The following SLC26A11 variants were observed in gnomAD, a reference collection of about 807,000 sequenced individuals.
SLC26A11 encodes the protein solute carrier family 26 member 11.
In SLC26A11, 58 loss-of-function variants were observed where a neutral mutation model predicts 62.2. The ratio of observed to expected loss-of-function variants is 0.93; its 90% CI spans 0.76 to 1.16. The LOEUF (loss-of-function observed/expected upper bound fraction) is 1.16. Among genes scored for constraint, SLC26A11 ranks in the 50% most tolerant of loss-of-function variants. The pLI, the probability that SLC26A11 is intolerant of heterozygous loss-of-function variation, is 0.00. For synonymous variants in SLC26A11, 411 were observed against 368.9 expected, an observed-to-expected ratio of 1.11 and a Z score of -1.31; for missense variants, 790 against 794.3, an observed-to-expected ratio of 0.99 and a Z score of 0.06.
intron 10 of SLC26A11, among the ~76,000 whole-genome samples, chr17:80,243,279 G>A (rs1333587923): frequency 6.6e-6 from 1 of 152,156 alleles, no homozygotes; most frequent in Non-Finnish European, 1.5e-5. Flanking sequence ...GGCGGAGCTT[G>A]GGCTTCCTGG....
chr17:80,246,502 C>A lies in SLC26A11; in HGVS notation c.1154-7C>A. ...CCCGAGGTCACCTGTGTTCCCGTGC[C>A]CCGCAGGAGTGCTGGTGCTGCTGTC... On this transcript the variant is annotated splice_region_variant and splice_polypyrimidine_tract_variant and intron_variant, in intron 12 of 17. Coordinates refer to ENST00000361193, the MANE Select transcript of SLC26A11 (RefSeq NM_001166347.2). This position sits in a 1 kb window ranked among gnomAD's most constrained non-coding sequence, Gnocchi z 4.4. 1.2e-6 allele frequency: 2 copies of A among 1,609,788 alleles called. No individual in the cohort carries two copies. The highest frequency in any genetic ancestry group is 1.3e-5 in the African/African-American group (1 of 75,022).
rs1192085495 is a variant in SLC26A11 at position 80,246,414 on chromosome 17, T to C, written c.1154-95T>C. ...GCAGTCGTCGCCCTACCCCCACCCC[T>C]GTCCCCAGTGGGCTCTGCTGAACAA... On this transcript the variant is annotated intron_variant, in intron 12 of 17. Coordinates refer to ENST00000361193, the MANE Select transcript of SLC26A11 (RefSeq NM_001166347.2). This position sits in a 1 kb window ranked among gnomAD's most constrained non-coding sequence, Gnocchi z 4.4. 3.2e-6 allele frequency: 5 copies of C among 1,544,764 alleles called. No individual in the cohort carries two copies. Among genetic ancestry groups the C allele is most frequent in the Non-Finnish European group, 3.5e-6 (4 of 1,143,436 alleles).
Position 80,228,789 on chromosome 17 carries a change from A to G in SLC26A11, c.736+829A>G, listed in dbSNP as rs1428431262. Among the ~76,000 whole-genome samples the G allele has an allele frequency of 6.6e-6, 1 of 152,204 alleles. No homozygotes were observed. Among genetic ancestry groups the G allele is most frequent in the Non-Finnish European group, 1.5e-5 (1 of 68,030 alleles). On this transcript the variant is annotated intron_variant, in intron 7 of 17. Transcript: ENST00000361193. The surrounding 1 kb of genome is among the most constrained non-coding windows in gnomAD (Gnocchi z 4.1). ...GGGGAGACCAACAGGCTCTGTTTGA[A>G]TTGTGCAGCTTTATGGGGGTACAAC...
chr17:80,249,895 A>G (rs2043113118), intron 16 of SLC26A11, among the ~76,000 whole-genome samples: 1 of 152,064 alleles, frequency 6.6e-6, no homozygotes, highest in Non-Finnish European at 1.5e-5. Flanking sequence ...ACAGAGTGGG[A>G]CTCCATCTCA....
Position 80,222,615 on chromosome 17 carries a change from C to T in SLC26A11, c.235-40C>T. The T allele has an allele frequency of 6.3e-7, 1 of 1,590,980 alleles. No homozygotes were observed. Among genetic ancestry groups the T allele is most frequent in the Non-Finnish European group, 8.6e-7 (1 of 1,165,094 alleles). ...GCACACTAGGGAGCTGGTGGATGGG[C>T]CTCGGCCTCCTGAGTGCTCACCACC... On this transcript the variant is annotated intron_variant, in intron 3 of 17. Transcript: ENST00000361193. The surrounding 1 kb of genome is among the most constrained non-coding windows in gnomAD (Gnocchi z 4.7).
At position 80,238,826 on chromosome 17, in the gene SLC26A11, TG is replaced by T. The variant is rs202224157; in HGVS notation, c.985+1233del. 5.3e-3 allele frequency among the ~76,000 whole-genome samples: 715 copies of T among 133,818 alleles called. 83 individuals are homozygous for T. The highest frequency in any genetic ancestry group is 0.015 in the African/African-American group (467 of 32,042). 87.8% of individuals were successfully genotyped at this position (133,818 alleles called of 152,430 possible). ...CTTCAAAGGAGTTTTTTTTGTTTTT[TG>T]TTTTTTTTTTTTTTTGGAGACAGAG... On this transcript the variant is annotated intron_variant, in intron 9 of 17. Transcript: ENST00000361193.
chr17:80,238,787 C>G (rs1019075155), intron 9 of SLC26A11, among the ~76,000 whole-genome samples: 3 of 147,628 alleles, frequency 2.0e-5, no homozygotes, highest in Non-Finnish European at 4.5e-5. Context: ...TCCCAGTGCT[C>G]TAACCCTTAC....
At chr17:80,241,011 A>G (rs2042845750) in intron 9 of SLC26A11, among the ~76,000 whole-genome samples, 1 of 152,132 alleles carries the variant, frequency 6.6e-6, no homozygotes, top group Non-Finnish European at 1.5e-5. Flanking sequence ...AGCCTAAGGC[A>G]GGAGGATCAC....
Position 80,225,734 on chromosome 17 carries a change from G to A in SLC26A11, c.514-103G>A, listed in dbSNP as rs377690660. On this transcript the variant is annotated intron_variant, in intron 5 of 17. Transcript: ENST00000361193. The stretch of plus-strand genomic sequence containing the variant: ...GGGAATAAGGGTTGGGAGCAGGGCC[G>A]GGGGACACTGTCTCAGCCCTAGGGG... 2,106 of 1,021,268 alleles carry A rather than the reference G, an allele frequency of 2.1e-3. 10 individuals are homozygous for A. Among genetic ancestry groups the A allele is most frequent in the Non-Finnish European group, 2.5e-3 (1,649 of 661,748 alleles). 63.3% of individuals were successfully genotyped at this position (1,021,268 alleles called of 1,614,324 possible). A position where few individuals can be genotyped will look rare whatever the true frequency, so the allele number is the denominator to read the frequency against.
At chr17:80,221,934 A>T in intron 3 of SLC26A11, 140 bp downstream of exon 3, 4 of 901,906 alleles carry the variant, frequency 4.4e-6, no homozygotes, top group Non-Finnish European at 4.9e-6. Context: ...TGTGACGCAG[A>T]TTGTCTCTGG....
intron 9 of SLC26A11, among the ~76,000 whole-genome samples, chr17:80,240,323 C>T (rs1222303444): frequency 5.3e-5 from 8 of 151,670 alleles, no homozygotes; most frequent in Non-Finnish European, 7.4e-5. Context: ...GCCAAGATCG[C>T]GCCACTGTAC....
At chr17:80,239,421 G>A (rs2042797854) in intron 9 of SLC26A11, among the ~76,000 whole-genome samples, 2 of 139,598 alleles carry the variant, frequency 1.4e-5, no homozygotes, top group Non-Finnish European at 3.0e-5. Flanking sequence ...ACGGAGTCTC[G>A]CTCTGTCGCC....
rs2042274262 is a variant in SLC26A11 at position 80,223,251 on chromosome 17, G to A, written c.428-1G>A. 1.2e-6 allele frequency: 2 copies of A among 1,613,932 alleles called. No individual in the cohort carries two copies. Among genetic ancestry groups the A allele is most frequent in the Admixed American group, 1.7e-5 (1 of 59,988 alleles). Reference sequence around the variant, plus strand: ...CTCGATGTCCCCTCTTGGCTGGCCAGGGTTCCTGCTGGACTTCATTTCCTA... The same window carrying A: ...CTCGATGTCCCCTCTTGGCTGGCCAAGGTTCCTGCTGGACTTCATTTCCTA... On this transcript the variant is annotated splice_acceptor_variant, in intron 4 of 17. Coordinates refer to ENST00000361193, the MANE Select transcript of SLC26A11 (RefSeq NM_001166347.2). LOFTEE classifies it high-confidence loss of function. This position sits in a 1 kb window ranked among gnomAD's most constrained non-coding sequence, Gnocchi z 4.6.
chr17:80,230,532 G>A (rs1421076932), intron 7 of SLC26A11, among the ~76,000 whole-genome samples: 3 of 152,102 alleles, frequency 2.0e-5, no homozygotes, highest in Admixed American at 2.0e-4. Context: ...ATTTTGGTGG[G>A]TTTCAGGCTT....
rs757439311 is a variant in SLC26A11 at position 80,246,071 on chromosome 17, C to A, written c.1098-83C>A. On this transcript the variant is annotated intron_variant, in intron 11 of 17. Coordinates refer to ENST00000361193, the MANE Select transcript of SLC26A11 (RefSeq NM_001166347.2). The surrounding 1 kb of genome is among the most constrained non-coding windows in gnomAD (Gnocchi z 4.4). ...GCCGTGCTGGGAGCTGACGTCCCCT[C>A]GGAAGATCAGCCACAGGAGTGTGGA... 9 of 1,524,836 alleles carry A rather than the reference C, an allele frequency of 5.9e-6. No homozygotes were observed. Among genetic ancestry groups the A allele is most frequent in the Non-Finnish European group, 8.2e-6 (9 of 1,099,942 alleles). 94.5% of individuals were successfully genotyped at this position (1,524,836 alleles called of 1,614,324 possible). A position where few individuals can be genotyped will look rare whatever the true frequency, so the allele number is the denominator to read the frequency against.
intron 5 of SLC26A11, among the ~76,000 whole-genome samples, chr17:80,224,379 G>T (rs528362390): frequency 6.7e-6 from 1 of 149,534 alleles, no homozygotes; most frequent in Non-Finnish European, 1.5e-5. Flanking sequence ...GAGTGCGCGC[G>T]CGCGTGTGTG....
chr17:80,248,293 G>C, intron 14 of SLC26A11, 36 bp downstream of exon 14: 3 of 1,590,332 alleles, frequency 1.9e-6, no homozygotes, highest in Non-Finnish European at 2.6e-6. Context: ...GGAGTGTGCT[G>C]GGGGCAGGAT....
In SLC26A11 at chr17:80,223,948, T is replaced by C. The variant is rs1449366406; in HGVS notation, c.513+611T>C. Among the ~76,000 whole-genome samples the C allele has an allele frequency of 3.3e-5, 5 of 152,282 alleles. No homozygotes were observed. The East Asian group carries it at 7.7e-4, about 24-fold the overall frequency. ...TTCTCCCAGCCATGGCCGCCCAGCATTGGGCTGGTGCAGTAGGGGGGTGCT... is the reference window on the plus strand; with the variant it reads ...TTCTCCCAGCCATGGCCGCCCAGCACTGGGCTGGTGCAGTAGGGGGGTGCT... On this transcript the variant is annotated intron_variant, in intron 5 of 17. Coordinates refer to ENST00000361193, the MANE Select transcript of SLC26A11 (RefSeq NM_001166347.2). The surrounding 1 kb of genome is among the most constrained non-coding windows in gnomAD (Gnocchi z 4.6).
rs763036941 is a variant in SLC26A11 at position 80,251,326 on chromosome 17, CA to C, written c.1657-2del. The C allele has an allele frequency of 3.5e-5, 57 of 1,613,942 alleles. No homozygotes were observed. The highest frequency in any genetic ancestry group is 4.5e-5 in the Non-Finnish European group (53 of 1,179,978). On this transcript the variant is annotated splice_acceptor_variant, in intron 16 of 17. Transcript: ENST00000361193. LOFTEE classifies it high-confidence loss of function. Reference sequence around the variant, plus strand: ...CCCTGGCTAAAGTCTGTCTGTCTCTCAGGTCCCCGTTCTCCGTGTCCTGCTG... The same window carrying C: ...CCCTGGCTAAAGTCTGTCTGTCTCTCGGTCCCCGTTCTCCGTGTCCTGCTG...
Sources: allele counts gnomAD v4.1 joint callset (sites outside exome capture counted in the v4.1 genomes callset), GRCh38; gene constraint gnomAD v4.1.1; non-coding constraint Gnocchi (gnomAD v3.1); transcripts MANE v1.5; gene names NCBI Gene and HGNC (gene_info 2026-07-23, HGNC 2026-07-21).